The following HRNR variants were observed in gnomAD, a reference collection of about 807,000 sequenced individuals.
HRNR encodes the protein filaggrin family member 3.
Under a neutral mutation model 4.8 loss-of-function variants are expected in HRNR, and 7 were observed. The ratio of observed to expected loss-of-function variants is 1.47; its 90% confidence interval spans 0.83 to 2.75. The LOEUF (loss-of-function observed/expected upper bound fraction) is 2.75. HRNR is among the 30% of genes most tolerant of loss of function. The probability of loss-of-function intolerance (pLI) is 0.00; values close to 1 mark genes in which losing one functional copy is unlikely to be tolerated. For missense variants in HRNR, 2,879 were observed against 3,010.4 expected (o/e 0.96, Z 1.02); for synonymous variants, 1,023 against 1,242.7 (o/e 0.82, Z 3.72).
rs2101585664 is a variant in HRNR, at chr1:152,212,962, A to G, written c.*114T>C. 1 of 1,389,358 alleles carries G rather than the reference A, an allele frequency of 7.2e-7. No individual in the cohort carries two copies. The highest frequency in any genetic ancestry group is 2.4e-5 in the East Asian group (1 of 42,102). The allele number at this position is 1,389,358 out of a possible 1,614,324, so 86.1% of individuals were successfully genotyped here. A position where few individuals can be genotyped will look rare whatever the true frequency, so the allele number is the denominator to read the frequency against. ...TAAAGAAAGAGACAGAAATGCATTG[A>G]TTCACTTTTAGAACGAATTTCATGA... On this transcript the variant is annotated 3_prime_UTR_variant, in exon 3 of 3. Transcript: ENST00000368801.
In HRNR at chr1:152,213,016, A is replaced by C; in HGVS notation, c.*60T>G. On this transcript the variant is annotated 3_prime_UTR_variant, in exon 3 of 3. Coordinates refer to ENST00000368801, the MANE Select transcript of HRNR (RefSeq NM_001009931.3). The stretch of plus-strand genomic sequence containing the variant: ...ATTGCTTGTCTTTCATGATGAATTC[A>C]TAGATGACTTTCCTATTTCTTAAAT... The C allele has an allele frequency of 6.4e-7, 1 of 1,556,858 alleles. No individual in the cohort carries two copies. The highest frequency in any genetic ancestry group is 1.9e-5 in the Admixed American group (1 of 52,406).
In HRNR at chr1:152,221,303, T is replaced by A. The variant is rs764819474; in HGVS notation, c.326A>T (p.Gln109Leu). 1.3e-4 allele frequency: 215 copies of A among 1,614,028 alleles called. 4 individuals carry two copies. The South Asian group carries it at 2.3e-3, about 17-fold the overall frequency. ...SKLRDDTHQH[Q>L]EEQEETEKEE... Reference sequence around the variant, plus strand: ...TTTTTCAGTTTCTTCTTGTTCCTCTTGGTGCTGGTGAGTGTCATCTCTCAG... The same window carrying A: ...TTTTTCAGTTTCTTCTTGTTCCTCTAGGTGCTGGTGAGTGTCATCTCTCAG... The change falls in exon 3 of 3, where the codon CAA (glutamine) becomes CTA (leucine). Residue 109 changes from glutamine to leucine, a missense_variant. Transcript: ENST00000368801.
chr1:152,220,056 G>T lies in HRNR; in HGVS notation c.1573C>A (p.Arg525Ser). The change falls in exon 3 of 3, where the codon CGT becomes AGT. Residue 525 changes from arginine (R) to serine (S), a missense_variant. Physicochemically the swap from Arg to Ser is moderately radical, Grantham distance 110. Transcript: ENST00000368801. ...SSYGQHGSGS[R>S]QSLGHSRHGS... Reference sequence around the variant, plus strand: ...TGTCGGCTGTGTCCCAAAGATTGACGGGAGCCAGACCCATGCTGACCATAG... The same window carrying T: ...TGTCGGCTGTGTCCCAAAGATTGACTGGAGCCAGACCCATGCTGACCATAG... The T allele has an allele frequency of 1.2e-6, 2 of 1,613,146 alleles. No individual in the cohort carries two copies. Among genetic ancestry groups the T allele is most frequent in the Non-Finnish European group, 1.7e-6 (2 of 1,179,720 alleles).
chr1:152,220,838 G>T lies in HRNR; in HGVS notation c.791C>A (p.Ser264Ter), dbSNP rs1412517743. The change falls in exon 3 of 3, where the codon TCA (serine) becomes TAA (stop). Residue 264 changes from serine to a stop codon, truncating the protein, a stop_gained. Coordinates refer to ENST00000368801, the MANE Select transcript of HRNR (RefSeq NM_001009931.3). LOFTEE classifies it low-confidence loss of function (END_TRUNC). ...TCGTTCACCCCTAGATGACTGTCCTGACCTAGAGCCGTGTTGTCCGTAGCC... is the reference window on the plus strand; with the variant it reads ...TCGTTCACCCCTAGATGACTGTCCTTACCTAGAGCCGTGTTGTCCGTAGCC... ...SSGYGQHGSR[S>*]GQSSRGERHR... 6.2e-7 allele frequency: 1 copy of T among 1,613,742 alleles called. No individual in the cohort carries two copies. The highest frequency in any genetic ancestry group is 8.5e-7 in the Non-Finnish European group (1 of 1,179,972).
chr1:152,220,919 C>A lies in HRNR; in HGVS notation c.710G>T (p.Ser237Ile). 6.2e-7 allele frequency: 1 copy of A among 1,614,208 alleles called. No individual in the cohort carries two copies. Among genetic ancestry groups the A allele is most frequent in the Non-Finnish European group, 8.5e-7 (1 of 1,180,040 alleles). Reference sequence around the variant, plus strand: ...ACTGTAACCAGAGGACTGCCCTGAGCTAGACTTGTGTTGACTAAAGCCAGA... The same window carrying A: ...ACTGTAACCAGAGGACTGCCCTGAGATAGACTTGTGTTGACTAAAGCCAGA... Reference protein sequence around the residue: ...QSSGFSQHKSSSGQSSGYSQH... With the variant: ...QSSGFSQHKSISGQSSGYSQH... The change falls in exon 3 of 3, where the codon AGC (serine) becomes ATC (isoleucine). Residue 237 changes from serine to isoleucine, a missense_variant. Ser to Ile is a moderately radical substitution (Grantham distance 142). Around this residue, in one of 8 missense-constraint regions of HRNR, gnomAD observed 2,646 missense variants for 1,377.7 expected, o/e 1.92. Transcript: ENST00000368801.
chr1:152,218,914 G>C lies in HRNR; in HGVS notation c.2715C>G (p.Ser905Arg), dbSNP rs770752359. The C allele has an allele frequency of 1.2e-5, 20 of 1,613,864 alleles. No homozygotes were observed. The South Asian group carries it at 1.3e-4, about 11-fold the overall frequency. Residue 905 changes from serine (S) to arginine (R), a missense_variant, in exon 3 of 3, where the codon AGC becomes AGG. Transcript: ENST00000368801. Reference sequence around the variant, plus strand: ...CGGAGCCAGACCCATGTCGGCCATAGCTGGGAGACTGCCCTGACCCAGACC... The same window carrying C: ...CGGAGCCAGACCCATGTCGGCCATACCTGGGAGACTGCCCTGACCCAGACC... ...QRGSGSGQSP[S>R]YGRHGSGSGR...
Position 152,218,645 on chromosome 1 carries a change from C to T in HRNR, c.2984G>A (p.Gly995Asp), listed in dbSNP as rs780132834. 2.5e-6 allele frequency: 4 copies of T among 1,613,028 alleles called. No individual in the cohort carries two copies. The East Asian group carries it at 6.7e-5, about 27-fold the overall frequency. Reference sequence around the variant, plus strand: ...AGATCCAGACCCATGTTGGCCGTGGCCCAAAGACTGACGGGAGCCAGACCC... The same window carrying T: ...AGATCCAGACCCATGTTGGCCGTGGTCCAAAGACTGACGGGAGCCAGACCC... ...QHGSGSRQSL[G>D]HGQHGSGSGQ... is the part of the protein sequence containing the mutation. The change falls in exon 3 of 3, where the codon GGC (glycine) becomes GAC (aspartate). Residue 995 changes from glycine (G) to aspartate (D), a missense_variant. By Grantham distance (94) the Gly-to-Asp change is moderately conservative. Transcript: ENST00000368801.
At position 152,212,826 on chromosome 1, in the gene HRNR, C is replaced by T. The variant is rs1570829948; in HGVS notation, c.*250G>A. 1.8e-6 allele frequency: 1 copy of T among 558,736 alleles called. No homozygotes were observed. The highest frequency in any genetic ancestry group is 3.1e-6 in the Non-Finnish European group (1 of 323,606). 34.6% of individuals were successfully genotyped at this position (558,736 alleles called of 1,614,324 possible). ...CTTTTCATTATTCCTCAAAGTTTAA[C>T]CCTCATTCTAACAAGTTATTCCACT... On this transcript the variant is annotated 3_prime_UTR_variant, in exon 3 of 3. Coordinates refer to ENST00000368801, the MANE Select transcript of HRNR (RefSeq NM_001009931.3).
chr1:152,220,496 C>T lies in HRNR; in HGVS notation c.1133G>A (p.Gly378Glu), dbSNP rs1051116214. The T allele has an allele frequency of 6.2e-7, 1 of 1,612,140 alleles. No individual in the cohort carries two copies. Residue 378 changes from glycine (G) to glutamate (E), a missense_variant, in exon 3 of 3, where the codon GGA becomes GAA. Physicochemically the swap from Gly to Glu is moderately conservative, Grantham distance 98. Coordinates refer to ENST00000368801, the MANE Select transcript of HRNR (RefSeq NM_001009931.3). The part of the protein sequence containing the change: ...SGHSSSQGQH[G>E]STSGQASSSG... ...GCTTGATGCCTGCCCTGACGTAGAT[C>T]CATGTTGTCCCTGGCTAGAGGAGTG...
chr1:152,218,940 C>T lies in HRNR; in HGVS notation c.2689G>A (p.Gly897Arg). Reference sequence around the variant, plus strand: ...CTGGGAGACTGCCCTGACCCAGACCCACGCTGGCCGTGGCCTGGAGACTGG... The same window carrying T: ...CTGGGAGACTGCCCTGACCCAGACCTACGCTGGCCGTGGCCTGGAGACTGG... ...SGQSPGHGQR[G>R]SGSGQSPSYG... The change falls in exon 3 of 3, where the codon GGG becomes AGG. Residue 897 changes from glycine (G) to arginine (R), a missense_variant. Coordinates refer to ENST00000368801, the MANE Select transcript of HRNR (RefSeq NM_001009931.3). 1.9e-6 allele frequency: 3 copies of T among 1,613,782 alleles called. No individual in the cohort carries two copies. The highest frequency in any genetic ancestry group is 3.3e-5 in the Admixed American group (2 of 60,012).
At position 152,220,373 on chromosome 1, in the gene HRNR, C is replaced by T; in HGVS notation, c.1256G>A (p.Gly419Glu). ...GCCGTGGCCTGGAGACTGGCCAGATCCAGAGCTGTGTTGGCCGCGGCCTGA... is the reference window on the plus strand; with the variant it reads ...GCCGTGGCCTGGAGACTGGCCAGATTCAGAGCTGTGTTGGCCGCGGCCTGA... Reference protein sequence around the residue: ...HSSGRGQHSSGSGQSPGHGQR... With the variant: ...HSSGRGQHSSESGQSPGHGQR... The change falls in exon 3 of 3, where the codon GGA becomes GAA. Residue 419 changes from glycine (G) to glutamate (E), a missense_variant. Physicochemically the swap from Gly to Glu is moderately conservative, Grantham distance 98 (BLOSUM62 -2). Around this residue, in one of 8 missense-constraint regions of HRNR, gnomAD observed 2,646 missense variants for 1,377.7 expected, o/e 1.92. Transcript: ENST00000368801. The T allele has an allele frequency of 6.2e-7, 1 of 1,613,652 alleles. No individual in the cohort carries two copies. Among genetic ancestry groups the T allele is most frequent in the Non-Finnish European group, 8.5e-7 (1 of 1,179,740 alleles).
Position 152,221,477 on chromosome 1 carries a change from G to A in HRNR, c.152C>T (p.Pro51Leu), listed in dbSNP as rs1316650721. ...TTGCAAGATGATATCCACAGTATCT[G>A]GATCGTTTGGATTCTGTATAAGAGA... The part of the protein sequence containing the change: ...FHQILKNPND[P>L]DTVDIILQSL... The change falls in exon 3 of 3, where the codon CCA (proline) becomes CTA (leucine). Residue 51 changes from proline (P) to leucine (L), a missense_variant. Coordinates refer to ENST00000368801, the MANE Select transcript of HRNR (RefSeq NM_001009931.3). 1 of 1,598,528 alleles carries A rather than the reference G, an allele frequency of 6.3e-7. No individual in the cohort carries two copies. Among genetic ancestry groups the A allele is most frequent in the Admixed American group, 1.7e-5 (1 of 58,716 alleles).
In HRNR at chr1:152,219,905, T is replaced by C. The variant is rs2101595097; in HGVS notation, c.1724A>G (p.Glu575Gly). 1 of 1,609,554 alleles carries C rather than the reference T, an allele frequency of 6.2e-7. No homozygotes were observed. Among genetic ancestry groups the C allele is most frequent in the East Asian group, 2.2e-5 (1 of 44,584 alleles). ...GCCAGAAGAGTGACCGGAGCCAGAC[T>C]CATATGGGCCACGGCTTGAAGACCT... ...SGRSSSRGPY[E>G]SGSGHSSGLG... The change falls in exon 3 of 3, where the codon GAG (glutamate) becomes GGG (glycine). Residue 575 changes from glutamate to glycine, a missense_variant. Physicochemically the swap from Glu to Gly is moderately conservative, Grantham distance 98. Around this residue, in one of 8 missense-constraint regions of HRNR, gnomAD observed 2,646 missense variants for 1,377.7 expected, o/e 1.92. Coordinates refer to ENST00000368801, the MANE Select transcript of HRNR (RefSeq NM_001009931.3).
At chr1:152,222,252 T>C (rs1649026054) in intron 2 of HRNR, among the ~76,000 whole-genome samples, 1 of 152,244 alleles carries the variant, frequency 6.6e-6, no homozygotes, top group South Asian at 2.1e-4. Flanking sequence ...AGATTTAGAG[T>C]TTGAAGAGTC....
In HRNR at chr1:152,219,824, G is replaced by T. The variant is rs1648875944; in HGVS notation, c.1805C>A (p.Ser602Tyr). 1.2e-6 allele frequency: 2 copies of T among 1,612,250 alleles called. No individual in the cohort carries two copies. Among genetic ancestry groups the T allele is most frequent in the South Asian group, 1.1e-5 (1 of 91,012 alleles). The change falls in exon 3 of 3, where the codon TCT becomes TAT. Residue 602 changes from serine to tyrosine, a missense_variant. Physicochemically the swap from Ser to Tyr is moderately radical, Grantham distance 144. Around this residue, in one of 8 missense-constraint regions of HRNR, gnomAD observed 2,646 missense variants for 1,377.7 expected, o/e 1.92. Coordinates refer to ENST00000368801, the MANE Select transcript of HRNR (RefSeq NM_001009931.3). ...ATGGGTAGAGGAATGACCCGAGCTA[G>T]ATCCGTGTTGACCGTAGCCAGAGGA... ...GQSSGYGQHG[S>Y]SSGHSSTHGQ...
Position 152,218,685 on chromosome 1 carries a change from T to C in HRNR, c.2944A>G (p.Ser982Gly), listed in dbSNP as rs76293453. The change falls in exon 3 of 3, where the codon AGC becomes GGC. Residue 982 changes from serine (S) to glycine (G), a missense_variant. This residue lies in a region of HRNR where 2,646 missense variants were observed against 1,377.7 expected (regional missense o/e 1.92). Transcript: ENST00000368801. ...GAGCCAGACCCATGCTGACCATAGC[T>C]GGAAGACGAACCTGAGCTAGATCCA... ...QHGSSSGSSS[S>G]YGQHGSGSRQ... 1.9e-6 allele frequency: 3 copies of C among 1,613,198 alleles called. No homozygotes were observed. The highest frequency in any genetic ancestry group is 2.2e-5 in the South Asian group (2 of 91,030).
chr1:152,223,195 G>T lies in HRNR; in HGVS notation c.59C>A (p.Thr20Asn), dbSNP rs1649059706. The T allele has an allele frequency of 1.9e-6, 3 of 1,613,690 alleles. No individual in the cohort carries two copies. The highest frequency in any genetic ancestry group is 2.5e-6 in the Non-Finnish European group (3 of 1,179,730). ...TVIDVFYQYATQHGEYDTLNK... is the reference protein window; with the variant it reads ...TVIDVFYQYANQHGEYDTLNK... The stretch of plus-strand genomic sequence containing the variant: ...CAACGTATCATACTCCCCATGCTGG[G>T]TGGCATATTGGTAGAAAACATCGAT... Residue 20 changes from threonine (T) to asparagine (N), a missense_variant, in exon 2 of 3, where the codon ACC (threonine) becomes AAC (asparagine). Physicochemically the swap from Thr to Asn is moderately conservative, Grantham distance 65. Transcript: ENST00000368801.
rs1308036882 is a variant in HRNR, at chr1:152,221,017, G to T, written c.612C>A (p.Asn204Lys). 7 of 1,614,104 alleles carry T rather than the reference G, an allele frequency of 4.3e-6. No homozygotes were observed. The highest frequency in any genetic ancestry group is 1.3e-5 in the African/African-American group (1 of 74,944). ...QCGSGSGQSP[N>K]YGQHGSGSGQ... is the part of the protein sequence containing the mutation. ...CGGAGCCAGAGCCGTGTTGGCCATA[G>T]TTGGGAGACTGCCCTGACCCAGACC... The change falls in exon 3 of 3, where the codon AAC (asparagine) becomes AAA (lysine). Residue 204 changes from asparagine (N) to lysine (K), a missense_variant. Physicochemically the swap from Asn to Lys is moderately conservative, Grantham distance 94. Transcript: ENST00000368801.
Position 152,220,092 on chromosome 1 carries a change from A to T in HRNR, c.1537T>A (p.Ser513Thr), listed in dbSNP as rs773990856. 6.2e-7 allele frequency: 1 copy of T among 1,612,764 alleles called. No homozygotes were observed. Among genetic ancestry groups the T allele is most frequent in the East Asian group, 2.2e-5 (1 of 44,804 alleles). Residue 513 changes from serine to threonine, a missense_variant, in exon 3 of 3, where the codon TCA becomes ACA. Transcript: ENST00000368801. ...CCATGCTGACCATAGCTGGAAGATG[A>T]ACCTGCACTAGATCCTTGTCGTTCA... ...RGERQGSSAG[S>T]SSSYGQHGSG...
Sources: gnomAD v4.1 joint callset for allele counts (sites outside exome capture counted in the v4.1 genomes callset) on GRCh38, gnomAD v4.1.1 for gene constraint, gnomAD v4.1.1 regional missense constraint, MANE v1.5 for transcripts, NCBI Gene and HGNC (gene_info 2026-07-23, HGNC 2026-07-21) for gene names.